Variants in SINHCAF observed in about 807,000 individuals in gnomAD.
SINHCAF encodes the protein SIN3-HDAC complex-associated factor.
SINHCAF carries 3 observed loss-of-function variants against 25.8 expected under a neutral mutation model. The ratio of observed to expected loss-of-function variants is 0.12; its 90% confidence interval spans 0.05 to 0.30. The LOEUF (loss-of-function observed/expected upper bound fraction) is 0.30. Among genes scored for constraint, SINHCAF ranks in the 10% least tolerant of loss-of-function variants. SINHCAF has a pLI of 1.00. For missense variants in SINHCAF, 121 were observed against 262.3 expected, an observed-to-expected ratio of 0.46 and a Z score of 3.72; for synonymous variants, 70 against 85.5, an observed-to-expected ratio of 0.82 and a Z score of 1.00.
intron 2 of SINHCAF, chr12:31,296,832 G>A: frequency 3.9e-6 from 1 of 256,880 alleles, no homozygotes; most frequent in Non-Finnish European, 7.9e-6. Flanking sequence ...GTTCTGCCTG[G>A]GTGACAGAGT....
intron 5 of SINHCAF, among the ~76,000 whole-genome samples, chr12:31,284,094 A>AT (rs1234490657): frequency 2.6e-5 from 4 of 152,212 alleles, no homozygotes; most frequent in African/African-American, 9.6e-5. Context: ...GCATATAGGA[A>AT]TGGGAACGTC....
intron 1 of SINHCAF, among the ~76,000 whole-genome samples, chr12:31,299,321 T>TA (rs1938684634): frequency 7.2e-6 from 1 of 139,168 alleles, no homozygotes; most frequent in African/African-American, 2.9e-5. Flanking sequence ...AAGAAAAAAA[T>TA]TTTTTTTTTT....
At position 31,324,685 on chromosome 12, in the gene SINHCAF, TGCA is replaced by T; in HGVS notation, c.-21+1336_-21+1338del. ...TCTGTCCAGCCGGGCGCTGCCTACGTGCAGCATCAGGGATGTCGGAGCGTTTCG... is the reference window on the plus strand; with the variant it reads ...TCTGTCCAGCCGGGCGCTGCCTACGTGCATCAGGGATGTCGGAGCGTTTCG... On this transcript the variant is annotated intron_variant, in intron 1 of 5. Transcript: ENST00000337682. The surrounding 1 kb of genome is among the most constrained non-coding windows in gnomAD (Gnocchi z 5.5). 3 of 326,342 alleles carry T rather than the reference TGCA, an allele frequency of 9.2e-6. No individual in the cohort carries two copies. The highest frequency in any genetic ancestry group is 1.2e-5 in the Non-Finnish European group (2 of 165,256). 20.2% of individuals were successfully genotyped at this position (326,342 alleles called of 1,614,324 possible).
At chr12:31,290,343 T>C (rs1310544399) in intron 4 of SINHCAF, among the ~76,000 whole-genome samples, 1 of 152,048 alleles carries the variant, frequency 6.6e-6, no homozygotes, top group Non-Finnish European at 1.5e-5. Context: ...GATTTCGCCA[T>C]GTTTGCCAGG....
chr12:31,313,109 C>A (rs1368344570), intron 1 of SINHCAF, among the ~76,000 whole-genome samples: 2 of 152,126 alleles, frequency 1.3e-5, no homozygotes, highest in Non-Finnish European at 2.9e-5. Context: ...ACTGCAACCT[C>A]CACCTCCTGG....
intron 1 of SINHCAF, among the ~76,000 whole-genome samples, chr12:31,306,935 T>C (rs1247070083): frequency 2.0e-5 from 3 of 152,168 alleles, no homozygotes; most frequent in African/African-American, 2.4e-5. Flanking sequence ...TCAATGACCA[T>C]GGCACATCCT....
intron 3 of SINHCAF, among the ~76,000 whole-genome samples, chr12:31,294,514 C>A (rs1938469465): frequency 6.6e-6 from 1 of 152,176 alleles, no homozygotes; most frequent in Admixed American, 6.5e-5. Context: ...AGTTACACGA[C>A]AGCAATAGCA....
intron 1 of SINHCAF, among the ~76,000 whole-genome samples, chr12:31,308,466 C>T (rs184866956): frequency 4.7e-4 from 71 of 152,302 alleles, no homozygotes; most frequent in Non-Finnish European, 8.8e-4. Flanking sequence ...AGGATTGATG[C>T]TCAATCCTTT....
chr12:31,293,011 C>G (rs924194393), intron 4 of SINHCAF, among the ~76,000 whole-genome samples: 9 of 152,298 alleles, frequency 5.9e-5, no homozygotes, highest in Admixed American at 2.0e-4. Flanking sequence ...GCCACAAAAT[C>G]TGGCATGACC....
intron 1 of SINHCAF, among the ~76,000 whole-genome samples, chr12:31,305,670 C>A (rs1938992371): frequency 6.6e-6 from 1 of 150,472 alleles, no homozygotes; most frequent in African/African-American, 2.4e-5. Flanking sequence ...GTGGTAGGCA[C>A]AATCAAAATA....
At chr12:31,301,860 C>A (rs1387312941) in intron 1 of SINHCAF, among the ~76,000 whole-genome samples, 1 of 151,930 alleles carries the variant, frequency 6.6e-6, no homozygotes, top group Non-Finnish European at 1.5e-5. Flanking sequence ...GTGGGCGTGG[C>A]ATAACTTGAT....
chr12:31,312,274 A>G (rs1236613783), intron 1 of SINHCAF, among the ~76,000 whole-genome samples: 1 of 152,186 alleles, frequency 6.6e-6, no homozygotes, highest in East Asian at 1.9e-4. Flanking sequence ...CAGCATATCC[A>G]TTCTAGGGTC....
chr12:31,287,182 G>T (rs1349222662), intron 5 of SINHCAF, among the ~76,000 whole-genome samples: 1 of 152,064 alleles, frequency 6.6e-6, no homozygotes, highest in Non-Finnish European at 1.5e-5. Flanking sequence ...TCACCTGTAT[G>T]TTCAAATTTA....
At position 31,325,098 on chromosome 12, in the gene SINHCAF, C is replaced by A; in HGVS notation, c.-21+926G>T. 2.2e-6 allele frequency: 1 copy of A among 456,734 alleles called. No individual in the cohort carries two copies. Among genetic ancestry groups the A allele is most frequent in the Non-Finnish European group, 4.4e-6 (1 of 226,946 alleles). 28.3% of individuals were successfully genotyped at this position (456,734 alleles called of 1,614,324 possible). On this transcript the variant is annotated intron_variant, in intron 1 of 5. Coordinates refer to ENST00000337682, the MANE Select transcript of SINHCAF (RefSeq NM_001135812.2). This position sits in a 1 kb window ranked among gnomAD's most constrained non-coding sequence, Gnocchi z 5.9. ...CTGCGGAGTTCACTGACTCCCGCGG[C>A]GTACACAACGCCGCCGCCTCCATCT...
chr12:31,296,018 T>C (rs1938533348), intron 2 of SINHCAF, among the ~76,000 whole-genome samples: 3 of 151,734 alleles, frequency 2.0e-5, no homozygotes, highest in Admixed American at 2.0e-4. Flanking sequence ...CCATCTCTAC[T>C]TTAAAATTTT....
intron 1 of SINHCAF, among the ~76,000 whole-genome samples, chr12:31,313,488 C>T (rs532417863): frequency 1.3e-5 from 2 of 152,350 alleles, no homozygotes; most frequent in Non-Finnish European, 2.9e-5. Flanking sequence ...AGTCTTTCAA[C>T]TTTATTCTTT....
intron 1 of SINHCAF, among the ~76,000 whole-genome samples, chr12:31,301,758 A>AC (rs964660865): frequency 3.4e-4 from 52 of 151,588 alleles, no homozygotes; most frequent in Non-Finnish European, 6.6e-4. Flanking sequence ...AAAAACAACA[A>AC]AAAAAAAACA....
At chr12:31,284,775 G>T (rs1002821808) in intron 5 of SINHCAF, among the ~76,000 whole-genome samples, 2 of 152,080 alleles carry the variant, frequency 1.3e-5, no homozygotes, top group African/African-American at 4.8e-5. Flanking sequence ...ATGTGGCCTT[G>T]TTTCCAGGCT....
At chr12:31,296,245 A>C (rs1005871540) in intron 2 of SINHCAF, among the ~76,000 whole-genome samples, 3 of 152,048 alleles carry the variant, frequency 2.0e-5, no homozygotes, top group Non-Finnish European at 4.4e-5. Flanking sequence ...GGCTCACTGC[A>C]GCCTCAACTT....
Sources: gnomAD v4.1 joint callset for allele counts (sites outside exome capture counted in the v4.1 genomes callset) on GRCh38, gnomAD v4.1.1 for gene constraint, Gnocchi (gnomAD v3.1) non-coding constraint, MANE v1.5 for transcripts, NCBI Gene and HGNC (gene_info 2026-07-23, HGNC 2026-07-21) for gene names.